Variants in PDE3A observed in about 807,000 individuals in gnomAD.
PDE3A encodes the protein cGMP-inhibited 3',5'-cyclic phosphodiesterase 3A.
A neutral mutation model predicts 98.3 loss-of-function variants in PDE3A; 43 were observed. The observed-to-expected ratio is 0.44, with a 90% CI of 0.34 to 0.56. The LOEUF (loss-of-function observed/expected upper bound fraction) is 0.56, where lower values mean the gene tolerates loss of function less well. Ranked by LOEUF, PDE3A falls within the 20% of genes least tolerant of loss-of-function variation. The pLI is 0.01. For missense variants in PDE3A, 1,427 were observed against 1,440.7 expected (o/e 0.99, Z 0.15); for synonymous variants, 663 against 567.9 (o/e 1.17, Z -2.38).
chr12:20,482,717 C>A (rs1404501689), intron 1 of PDE3A, among the ~76,000 whole-genome samples: 1 of 152,146 alleles, frequency 6.6e-6, no homozygotes, highest in Non-Finnish European at 1.5e-5. Flanking sequence ...TAATAAATAT[C>A]CATTTAATCA....
intron 1 of PDE3A, among the ~76,000 whole-genome samples, chr12:20,487,269 A>G (rs928577981): frequency 2.6e-5 from 4 of 152,088 alleles, no homozygotes; most frequent in Admixed American, 2.6e-4. Flanking sequence ...TAACTGATTG[A>G]TTAATGAGGG....
chr12:20,646,785 A>C lies in PDE3A; in HGVS notation c.2400A>C (p.Gly800=), dbSNP rs1408840182. ...GTGGATTTACACATGGACATATGGG[A>C]TATGTATTCTCAAAAACGTATAATG... The part of the protein sequence containing the change: ...SDSGFTHGHM[G]YVFSKTYNVT... The change falls in exon 12 of 16, where the codon GGA becomes GGC. Residue 800 remains glycine (G), a synonymous_variant. Transcript: ENST00000359062. 2 of 1,610,142 alleles carry C rather than the reference A, an allele frequency of 1.2e-6. No individual in the cohort carries two copies. Among genetic ancestry groups the C allele is most frequent in the South Asian group, 2.2e-5 (2 of 90,982 alleles).
intron 5 of PDE3A, among the ~76,000 whole-genome samples, chr12:20,625,246 A>G (rs912443448): frequency 6.6e-6 from 1 of 152,216 alleles, no homozygotes; most frequent in African/African-American, 2.4e-5. Context: ...CAGGAGATTC[A>G]AATATAATTT....
chr12:20,562,504 C>T (rs999404392), intron 2 of PDE3A, among the ~76,000 whole-genome samples: 1 of 138,370 alleles, frequency 7.2e-6, no homozygotes, highest in Non-Finnish European at 1.5e-5. Context: ...AGGTGTGAGC[C>T]ACCGTGCCCA....
intron 1 of PDE3A, among the ~76,000 whole-genome samples, chr12:20,394,620 C>T (rs1288392865): frequency 6.6e-6 from 1 of 152,034 alleles, no homozygotes; most frequent in Non-Finnish European, 1.5e-5. Flanking sequence ...ACATATTCTT[C>T]TCAAAGTACT....
chr12:20,497,673 G>A (rs1217794014), intron 1 of PDE3A, among the ~76,000 whole-genome samples: 1 of 152,068 alleles, frequency 6.6e-6, no homozygotes, highest in South Asian at 2.1e-4. Context: ...AAAGATGAAG[G>A]TGGATTATTC....
At position 20,646,498 on chromosome 12, in the gene PDE3A, A is replaced by G. The variant is rs1944780652; in HGVS notation, c.2260A>G (p.Arg754Gly). 1.3e-6 allele frequency: 2 copies of G among 1,580,116 alleles called. No homozygotes were observed. The highest frequency in any genetic ancestry group is 2.7e-5 in the African/African-American group (2 of 74,258). The stretch of plus-strand genomic sequence containing the variant: ...CTGTTCACTGGTTACAGATCATAAC[A>G]GAATCCATGCCACTGATGTTTTACA... ...IGYRDIPYHN[R>G]IHATDVLHAV... Residue 754 changes from arginine to glycine, a missense_variant, in exon 11 of 16, where the codon AGA (arginine) becomes GGA (glycine). Arg to Gly is a moderately radical substitution (Grantham distance 125). Around this residue, in one of 3 missense-constraint regions of PDE3A, gnomAD observed 273 missense variants for 420.3 expected, o/e 0.65. Coordinates refer to ENST00000359062, the MANE Select transcript of PDE3A (RefSeq NM_000921.5).
intron 1 of PDE3A, among the ~76,000 whole-genome samples, chr12:20,529,342 T>C (rs1181177991): frequency 2.0e-5 from 3 of 152,122 alleles, no homozygotes; most frequent in Non-Finnish European, 4.4e-5. Flanking sequence ...AATAATAATC[T>C]TCCCTATTAT....
chr12:20,672,744 C>A lies in PDE3A; in HGVS notation c.3185-7286C>A, dbSNP rs1264070794. On this transcript the variant is annotated intron_variant, in intron 15 of 15. Transcript: ENST00000359062. ...AACGTTAGACCTAAAACCATAAAAACCCTAGAAGAAAACCTAGGCATTACC... is the reference window on the plus strand; with the variant it reads ...AACGTTAGACCTAAAACCATAAAAAACCTAGAAGAAAACCTAGGCATTACC... 5.5e-3 allele frequency among the ~76,000 whole-genome samples: 724 copies of A among 131,974 alleles called. 12 individuals carry two copies. The highest frequency in any genetic ancestry group is 0.05 in the East Asian group (224 of 4,522). 86.6% of individuals were successfully genotyped at this position (131,974 alleles called of 152,430 possible).
intron 2 of PDE3A, among the ~76,000 whole-genome samples, chr12:20,596,887 T>A (rs1039090144): frequency 2.6e-5 from 4 of 152,154 alleles, no homozygotes; most frequent in Admixed American, 1.3e-4. Flanking sequence ...TTAAAAAAAA[T>A]ACCGTATAGC....
Position 20,370,232 on chromosome 12 carries a change from A to G in PDE3A, c.948A>G (p.Ile316Met), listed in dbSNP as rs1376356623. The stretch of plus-strand genomic sequence containing the variant: ...ATCGGAGGACCTCCCTGCCCTGTAT[A>G]CCGAGGGAACAGGTAAGCACTGGCA... Reference protein sequence around the residue: ...KSHRRTSLPCIPREQLMGHSE... With the variant: ...KSHRRTSLPCMPREQLMGHSE... The change falls in exon 1 of 16, where the codon ATA (isoleucine) becomes ATG (methionine). Residue 316 changes from isoleucine to methionine, a missense_variant. Around this residue, in one of 3 missense-constraint regions of PDE3A, gnomAD observed 1,012 missense variants for 886.5 expected, o/e 1.14. Coordinates refer to ENST00000359062, the MANE Select transcript of PDE3A (RefSeq NM_000921.5). 2 of 1,558,882 alleles carry G rather than the reference A, an allele frequency of 1.3e-6. No homozygotes were observed. The highest frequency in any genetic ancestry group is 4.0e-5 in the Admixed American group (2 of 50,326).
intron 1 of PDE3A, among the ~76,000 whole-genome samples, chr12:20,435,029 G>C (rs1255489999): frequency 2.0e-5 from 3 of 152,174 alleles, no homozygotes; most frequent in African/African-American, 4.8e-5. Flanking sequence ...TAAGACTTCA[G>C]GTATTCATTT....
intron 1 of PDE3A, among the ~76,000 whole-genome samples, chr12:20,500,385 C>T (rs1284811907): frequency 6.6e-6 from 1 of 152,024 alleles, no homozygotes; most frequent in East Asian, 1.9e-4. Context: ...CATTTTGATG[C>T]TCAAATAGCA....
In PDE3A at chr12:20,681,725, T is replaced by G. The variant is rs911464988; in HGVS notation, c.*1454T>G. The G allele has an allele frequency of 5.3e-5, 8 of 152,168 alleles. No homozygotes were observed. The highest frequency in any genetic ancestry group is 1.4e-4 in the African/African-American group (6 of 41,440). The allele number at this position is 152,168 out of a possible 1,614,324, so 9.4% of individuals were successfully genotyped here. ...TTGGGTTATTATTGAAAGTCTTTTTTTTTGTTTGTTTTGTTTTGGTTTGTT... is the reference window on the plus strand; with the variant it reads ...TTGGGTTATTATTGAAAGTCTTTTTGTTTGTTTGTTTTGTTTTGGTTTGTT... On this transcript the variant is annotated 3_prime_UTR_variant, in exon 16 of 16. Transcript: ENST00000359062.
At chr12:20,581,611 C>CTTTTTT (rs903970940) in intron 2 of PDE3A, among the ~76,000 whole-genome samples, 1 of 76,364 alleles carries the variant, frequency 1.3e-5, no homozygotes, top group African/African-American at 5.1e-5. Context: ...GATTTCTTTT[C>CTTTTTT]TTTTCTTTTT....
At chr12:20,396,146 G>GA (rs1944013710) in intron 1 of PDE3A, among the ~76,000 whole-genome samples, 1 of 151,964 alleles carries the variant, frequency 6.6e-6, no homozygotes, top group African/African-American at 2.4e-5. Flanking sequence ...TATTATAAAT[G>GA]AAAAAAACCC....
At position 20,646,475 on chromosome 12, in the gene PDE3A, G is replaced by T. The variant is rs1450751942; in HGVS notation, c.2252-15G>T. On this transcript the variant is annotated splice_polypyrimidine_tract_variant and intron_variant, in intron 10 of 15. Transcript: ENST00000359062. ...AGTTCATAAACTGATGACTGTTCCT[G>T]TTCACTGGTTACAGATCATAACAGA... is the stretch of plus-strand genomic sequence containing the variant. The T allele has an allele frequency of 9.4e-6, 13 of 1,385,002 alleles. No homozygotes were observed. Among genetic ancestry groups the T allele is most frequent in the Non-Finnish European group, 1.2e-5 (12 of 971,424 alleles). The allele number at this position is 1,385,002 out of a possible 1,614,324, so 85.8% of individuals were successfully genotyped here. A position where few individuals can be genotyped will look rare whatever the true frequency, so the allele number is the denominator to read the frequency against.
At chr12:20,625,534 G>C (rs1365316403) in intron 5 of PDE3A, among the ~76,000 whole-genome samples, 1 of 152,086 alleles carries the variant, frequency 6.6e-6, no homozygotes, top group East Asian at 1.9e-4. Flanking sequence ...TGCAATTTCT[G>C]CTTTGGAAAA....
At chr12:20,653,802 A>G in intron 14 of PDE3A, 145 bp from the exon 15 acceptor site, 1 of 784,118 alleles carries the variant, frequency 1.3e-6, no homozygotes, top group Non-Finnish European at 2.0e-6. Flanking sequence ...AATTAGCAAC[A>G]GTGTTTCTAT....
Sources: allele counts gnomAD v4.1 joint callset (sites outside exome capture counted in the v4.1 genomes callset), GRCh38; gene constraint gnomAD v4.1.1; regional missense constraint gnomAD v4.1.1; transcripts MANE v1.5; gene names NCBI Gene and HGNC (gene_info 2026-07-23, HGNC 2026-07-21).